Variants in GIPC3 observed in about 807,000 individuals in gnomAD.
GIPC3 encodes the protein PDZ domain-containing protein GIPC3.
Under a neutral mutation model 27.3 loss-of-function variants are expected in GIPC3, and 16 were observed. That is an observed-to-expected ratio of 0.59 (90% CI 0.40 to 0.89). The LOEUF (loss-of-function observed/expected upper bound fraction) is 0.89, where lower values mean the gene tolerates loss of function less well. Among genes scored for constraint, GIPC3 ranks in the 40% least tolerant of loss-of-function variants. GIPC3 has a pLI of 0.00. For synonymous variants in GIPC3, 194 were observed against 184.6 expected (o/e 1.05, Z -0.41); for missense variants, 440 against 442.1 (o/e 1.00, Z 0.04).
Position 3,590,039 on chromosome 19 carries a change from C to T in GIPC3, c.788C>T (p.Ala263Val), listed in dbSNP as rs761336297. ...ACATCCCCTCTGGCACGGCCCGCAG[C>T]GTCCACCATGGTGGAGACGTCCAAG... ...SYMGIRDPEL[A>V]STMVETSKKT... The change falls in exon 6 of 6, where the codon GCG becomes GTG. Residue 263 changes from alanine (A) to valine (V), a missense_variant and splice_region_variant. By Grantham distance (64) the Ala-to-Val change is moderately conservative. Coordinates refer to ENST00000644452, the MANE Select transcript of GIPC3 (RefSeq NM_133261.3). 7.4e-6 allele frequency: 12 copies of T among 1,612,420 alleles called. No homozygotes were observed. The highest frequency in any genetic ancestry group is 3.4e-5 in the Admixed American group (2 of 59,674).
chr19:3,587,697 T>TTTTTCTTTTC (rs1195913507), intron 3 of GIPC3, among the ~76,000 whole-genome samples: 1 of 145,320 alleles, frequency 6.9e-6, no homozygotes. Context: ...TTTCTTTTCT[T>TTTTTCTTTTC]TTTTTTTTTT....
intron 3 of GIPC3, among the ~76,000 whole-genome samples, chr19:3,588,230 C>T (rs1020909406): frequency 4.0e-5 from 6 of 151,746 alleles, no homozygotes; most frequent in South Asian, 2.1e-4. Flanking sequence ...CTCGAACTCC[C>T]GACCTCAGGT....
intron 3 of GIPC3, among the ~76,000 whole-genome samples, chr19:3,588,023 A>C (rs1421018299): frequency 6.6e-6 from 1 of 151,004 alleles, no homozygotes; most frequent in Non-Finnish European, 1.5e-5. Flanking sequence ...TCTTTTTTTG[A>C]GACGGAGTTT....
In GIPC3 at chr19:3,587,574, G is replaced by A. The variant is rs144733349; in HGVS notation, c.592+580G>A. 4.5e-4 allele frequency among the ~76,000 whole-genome samples: 69 copies of A among 152,164 alleles called. 2 individuals carry two copies. In the East Asian group the frequency reaches 0.013, roughly 29 times the overall value. On this transcript the variant is annotated intron_variant, in intron 3 of 5. Coordinates refer to ENST00000644452, the MANE Select transcript of GIPC3 (RefSeq NM_133261.3). Reference sequence around the variant, plus strand: ...TAGGATTATAGGCGTGAGCCACCGCGCGCAGCCTGGGAACTTTTAAAGCAG... The same window carrying A: ...TAGGATTATAGGCGTGAGCCACCGCACGCAGCCTGGGAACTTTTAAAGCAG...
At chr19:3,586,787 C>T in intron 2 of GIPC3, 27 bp from the exon 3 acceptor site, 1 of 1,612,720 alleles carries the variant, frequency 6.2e-7, no homozygotes, top group Non-Finnish European at 8.5e-7. Flanking sequence ...CTGGGGTTGC[C>T]CTGCCAGCGA....
chr19:3,593,433 G>C lies in GIPC3; in HGVS notation c.*3243G>C. ...CGGTGGTGAAAACAGGGGCTTCACC[G>C]GTCCTGGCTCAGATCCAGGTCCTTG... On this transcript the variant is annotated 3_prime_UTR_variant, in exon 6 of 6. Coordinates refer to ENST00000644452, the MANE Select transcript of GIPC3 (RefSeq NM_133261.3). The C allele has an allele frequency of 1.5e-6, 1 of 685,046 alleles. No individual in the cohort carries two copies. Among genetic ancestry groups the C allele is most frequent in the Non-Finnish European group, 2.0e-6 (1 of 488,734 alleles). 42.4% of individuals were successfully genotyped at this position (685,046 alleles called of 1,614,324 possible).
In GIPC3 at chr19:3,592,201, G is replaced by A; in HGVS notation, c.*2011G>A. On this transcript the variant is annotated 3_prime_UTR_variant, in exon 6 of 6. Transcript: ENST00000644452. ...AGCTCCAGGACCCAGCGCTGCCCAG[G>A]AGCTCGACCAGCCTCTGGGACTCAA... The A allele has an allele frequency of 8.1e-7, 1 of 1,232,074 alleles. No individual in the cohort carries two copies. The highest frequency in any genetic ancestry group is 1.0e-6 in the Non-Finnish European group (1 of 988,020). 76.3% of individuals were successfully genotyped at this position (1,232,074 alleles called of 1,614,324 possible).
chr19:3,588,556 G>A (rs113968695), intron 3 of GIPC3, among the ~76,000 whole-genome samples: 18,854 of 151,002 alleles, frequency 0.12, 1,273 homozygotes, highest in South Asian at 0.2. Context: ...AGTTTAGGCC[G>A]GGCGTGGTGG....
Position 3,585,491 on chromosome 19 carries a change from G to C in GIPC3, c.-107G>C. ...CTCGGGTTCCCAGATCCCCTTACCC[G>C]GGCGTCTCGGCTGTCGCGCCCTGGG... On this transcript the variant is annotated 5_prime_UTR_variant, in exon 1 of 6. Transcript: ENST00000644452. The C allele has an allele frequency of 1.0e-6, 1 of 990,670 alleles. No homozygotes were observed. The highest frequency in any genetic ancestry group is 4.7e-5 in the South Asian group (1 of 21,190). The allele number at this position is 990,670 out of a possible 1,614,324, so 61.4% of individuals were successfully genotyped here.
At chr19:3,588,300 G>A (rs1038019370) in intron 3 of GIPC3, among the ~76,000 whole-genome samples, 2 of 152,128 alleles carry the variant, frequency 1.3e-5, no homozygotes, top group Non-Finnish European at 1.5e-5. Flanking sequence ...ACTGCACCCT[G>A]CCCATTTTTT....
rs1159424676 is a variant in GIPC3 at position 3,592,364 on chromosome 19, G to GA, written c.*2175dup. ...GCTTTGGAACTCAGCCCAGCTCTGG[G>GA]ACCCAGATAAGCTCAAGAATTCAAG... On this transcript the variant is annotated 3_prime_UTR_variant, in exon 6 of 6. Coordinates refer to ENST00000644452, the MANE Select transcript of GIPC3 (RefSeq NM_133261.3). 1 of 1,231,690 alleles carries GA rather than the reference G, an allele frequency of 8.1e-7. No homozygotes were observed. The highest frequency in any genetic ancestry group is 1.0e-6 in the Non-Finnish European group (1 of 987,898). The allele number at this position is 1,231,690 out of a possible 1,614,324, so 76.3% of individuals were successfully genotyped here.
At chr19:3,585,964 A>G in intron 1 of GIPC3, 142 bp downstream of exon 1, 1 of 1,388,808 alleles carries the variant, frequency 7.2e-7, no homozygotes, top group East Asian at 2.7e-5. Context: ...TCAGAGACCC[A>G]GCCCTCAGAT....
intron 1 of GIPC3, 99 bp from the exon 2 acceptor site, chr19:3,586,396 G>T: frequency 9.2e-7 from 1 of 1,084,972 alleles, no homozygotes; most frequent in Non-Finnish European, 1.4e-6. Context: ...CCCATGGGCT[G>T]GGATCCTGGT....
At chr19:3,589,755 G>C (rs536060024) in intron 4 of GIPC3, 76 bp from the exon 5 acceptor site, 5 of 1,412,888 alleles carry the variant, frequency 3.5e-6, no homozygotes, top group Middle Eastern at 2.4e-4. Context: ...TTCCCTTAGG[G>C]GTGGGGGTCG....
At position 3,589,856 on chromosome 19, in the gene GIPC3, C is replaced by A. The variant is rs200909888; in HGVS notation, c.731C>A (p.Ser244Tyr). ...EAPSEFEEEA[S>Y]RKVDDLLESY... The stretch of plus-strand genomic sequence containing the variant: ...CCCAGTGAGTTTGAGGAGGAGGCAT[C>A]TCGGAAGGTTGATGACCTGCTGGAA... Residue 244 changes from serine (S) to tyrosine (Y), a missense_variant, in exon 5 of 6, where the codon TCT (serine) becomes TAT (tyrosine). Physicochemically the swap from Ser to Tyr is moderately radical, Grantham distance 144. Transcript: ENST00000644452. The A allele has an allele frequency of 8.7e-6, 14 of 1,613,790 alleles. No individual in the cohort carries two copies. The highest frequency in any genetic ancestry group is 1.2e-5 in the Non-Finnish European group (14 of 1,180,044).
chr19:3,592,713 C>T lies in GIPC3; in HGVS notation c.*2523C>T. On this transcript the variant is annotated 3_prime_UTR_variant, in exon 6 of 6. Coordinates refer to ENST00000644452, the MANE Select transcript of GIPC3 (RefSeq NM_133261.3). ...AACCCAGTCCAGCTCTGAGACCGGGCTCAGCTCTGAAACCCAGACCGGCTC... is the reference window on the plus strand; with the variant it reads ...AACCCAGTCCAGCTCTGAGACCGGGTTCAGCTCTGAAACCCAGACCGGCTC... The T allele has an allele frequency of 1.6e-6, 2 of 1,230,456 alleles. No individual in the cohort carries two copies. The highest frequency in any genetic ancestry group is 4.1e-5 in the South Asian group (1 of 24,260). 76.2% of individuals were successfully genotyped at this position (1,230,456 alleles called of 1,614,324 possible).
Position 3,590,316 on chromosome 19 carries a change from C to T in GIPC3, c.*126C>T, listed in dbSNP as rs2032464003. 6.9e-7 allele frequency: 1 copy of T among 1,458,186 alleles called. No homozygotes were observed. The highest frequency in any genetic ancestry group is 2.4e-5 in the Admixed American group (1 of 41,238). The allele number at this position is 1,458,186 out of a possible 1,614,324, so 90.3% of individuals were successfully genotyped here. On this transcript the variant is annotated 3_prime_UTR_variant, in exon 6 of 6. Transcript: ENST00000644452. Reference sequence around the variant, plus strand: ...TAGAACCCAATCCAATTTGGAGCCCCAGCCCAACTCCAGAACCCAACCCTT... The same window carrying T: ...TAGAACCCAATCCAATTTGGAGCCCTAGCCCAACTCCAGAACCCAACCCTT...
rs1004134118 is a variant in GIPC3, at chr19:3,592,662, G to A, written c.*2472G>A. 2.8e-5 allele frequency: 35 copies of A among 1,231,182 alleles called. No homozygotes were observed. The highest frequency in any genetic ancestry group is 9.4e-5 in the African/African-American group (6 of 64,046). The allele number at this position is 1,231,182 out of a possible 1,614,324, so 76.3% of individuals were successfully genotyped here. On this transcript the variant is annotated 3_prime_UTR_variant, in exon 6 of 6. Transcript: ENST00000644452. Reference sequence around the variant, plus strand: ...CCAGACCGGCTCAAGAATTCAGCCCGACTCTGGAGCCCAACTTAGTTCCAG... The same window carrying A: ...CCAGACCGGCTCAAGAATTCAGCCCAACTCTGGAGCCCAACTTAGTTCCAG...
At chr19:3,589,969 G>C in intron 5 of GIPC3, 57 bp downstream of exon 5, 9 of 1,613,406 alleles carry the variant, frequency 5.6e-6, no homozygotes, top group Non-Finnish European at 7.6e-6. Flanking sequence ...ACGGGAGGAG[G>C]CAGGGGTCCC....
Sources: allele counts gnomAD v4.1 joint callset (sites outside exome capture counted in the v4.1 genomes callset), GRCh38; gene constraint gnomAD v4.1.1; transcripts MANE v1.5; gene names NCBI Gene and HGNC (gene_info 2026-07-23, HGNC 2026-07-21).